FBXL5: variants seen among roughly 807,000 people sequenced by gnomAD.
FBXL5 encodes F-box/LRR-repeat protein 5.
In FBXL5, 26 loss-of-function variants were observed where a neutral mutation model predicts 78.3. That is an observed-to-expected ratio of 0.33 (90% CI 0.24 to 0.46). The LOEUF (loss-of-function observed/expected upper bound fraction) is 0.46, where lower values mean the gene tolerates loss of function less well. FBXL5 is among the 20% of genes least tolerant of loss of function. The pLI is 1.00. For missense variants in FBXL5, 710 were observed against 829.2 expected, an observed-to-expected ratio of 0.86 and a Z score of 1.77; for synonymous variants, 295 against 282.5, an observed-to-expected ratio of 1.04 and a Z score of -0.45.
intron 1 of FBXL5, among the ~76,000 whole-genome samples, chr4:15,666,304 TG>T (rs1038334241): frequency 2.7e-5 from 4 of 150,676 alleles, no homozygotes; most frequent in Non-Finnish European, 5.9e-5. Context: ...GAGGCTGAGG[TG>T]GGAAGATTGC....
chr4:15,626,242 T>C (rs1713049484), intron 8 of FBXL5, among the ~76,000 whole-genome samples: 1 of 152,172 alleles, frequency 6.6e-6, no homozygotes, highest in African/African-American at 2.4e-5. Flanking sequence ...TTAAGTTTAT[T>C]ATCCTAAAAG....
chr4:15,640,937 G>T, intron 2 of FBXL5, 54 bp from the exon 3 acceptor site: 3 of 976,760 alleles, frequency 3.1e-6, no homozygotes, highest in Non-Finnish European at 4.5e-6. Flanking sequence ...CATTAATTAT[G>T]TCTGGTCCCA....
chr4:15,658,254 T>C (rs1363222331), upstream of FBXL5, among the ~76,000 whole-genome samples: 1 of 152,238 alleles, frequency 6.6e-6, no homozygotes, highest in Non-Finnish European at 1.5e-5. Context: ...TTTGACCCAG[T>C]TGGAATCATA....
intron 9 of FBXL5, among the ~76,000 whole-genome samples, chr4:15,618,307 G>C (rs1712115561): frequency 6.6e-6 from 1 of 152,174 alleles, no homozygotes; most frequent in African/African-American, 2.4e-5. Context: ...TGAGGTGGGA[G>C]GATTGCTTAT....
At chr4:15,647,720 T>C (rs1020462990) in intron 1 of FBXL5, among the ~76,000 whole-genome samples, 1 of 152,200 alleles carries the variant, frequency 6.6e-6, no homozygotes, top group African/African-American at 2.4e-5. Context: ...CCTAGCACAG[T>C]AGTTAAAAGC....
intron 9 of FBXL5, among the ~76,000 whole-genome samples, chr4:15,616,911 G>C (rs549210999): frequency 3.3e-5 from 5 of 152,314 alleles, no homozygotes; most frequent in South Asian, 4.1e-4. Flanking sequence ...CTGTCTCACA[G>C]AGCCTGCAGT....
upstream of FBXL5, chr4:15,659,841 TG>T (rs993963183): frequency 7.1e-5 from 37 of 523,766 alleles, no homozygotes; most frequent in Non-Finnish European, 8.6e-5. Context: ...TCCATGTGTA[TG>T]GCCTGAGGGA....
intron 2 of FBXL5, among the ~76,000 whole-genome samples, chr4:15,643,430 A>C (rs186707435): frequency 9.2e-5 from 14 of 152,360 alleles, no homozygotes; most frequent in African/African-American, 2.4e-4. Context: ...ATGTAAATGT[A>C]ATTAAGAAGA....
At chr4:15,645,944 A>T (rs1252669054) in intron 1 of FBXL5, among the ~76,000 whole-genome samples, 2 of 152,242 alleles carry the variant, frequency 1.3e-5, no homozygotes, top group African/African-American at 4.8e-5. Flanking sequence ...GGATATATCA[A>T]TGAACAAAAC....
At chr4:15,612,087 T>A (rs2148523480) in intron 10 of FBXL5, 179 bp downstream of exon 10, 1 of 502,468 alleles carries the variant, frequency 2.0e-6, no homozygotes, top group Non-Finnish European at 3.4e-6. Context: ...AAAACTTACC[T>A]TTCAAGATGT....
At chr4:15,659,075 G>A (rs1271455255), upstream of FBXL5, among the ~76,000 whole-genome samples, 1 of 152,098 alleles carries the variant, frequency 6.6e-6, no homozygotes. Context: ...TCCCTCCTGT[G>A]CTTTAACTAA....
chr4:15,653,974 G>C (rs916134374), intron 1 of FBXL5, among the ~76,000 whole-genome samples: 9 of 152,218 alleles, frequency 5.9e-5, no homozygotes, highest in African/African-American at 2.2e-4. Context: ...GACAGTCCTG[G>C]TGTTTCCAAC....
At chr4:15,679,720 A>T (rs1365222730) in intron 1 of FBXL5, among the ~76,000 whole-genome samples, 1 of 150,120 alleles carries the variant, frequency 6.7e-6, no homozygotes, top group East Asian at 1.9e-4. Flanking sequence ...GATTTTACTT[A>T]TCTATCAAAA....
intron 1 of FBXL5, among the ~76,000 whole-genome samples, chr4:15,666,401 A>G (rs1258482900): frequency 6.6e-6 from 1 of 152,170 alleles, no homozygotes; most frequent in Non-Finnish European, 1.5e-5. Context: ...CCCTGCCTAA[A>G]AAAATAAAAT....
chr4:15,647,447 T>C (rs182040580), intron 1 of FBXL5, among the ~76,000 whole-genome samples: 503 of 152,226 alleles, frequency 3.3e-3, no homozygotes, highest in South Asian at 8.9e-3. Flanking sequence ...TTGGTATTCA[T>C]GGGTGTCCTG....
At chr4:15,628,905 T>C (rs1350077409) in intron 6 of FBXL5, among the ~76,000 whole-genome samples, 2 of 152,040 alleles carry the variant, frequency 1.3e-5, no homozygotes, top group African/African-American at 4.8e-5. Context: ...TATCTAAATG[T>C]ATACTATTTA....
chr4:15,662,943 C>G (rs929630444), upstream of FBXL5, among the ~76,000 whole-genome samples: 1 of 152,096 alleles, frequency 6.6e-6, no homozygotes, highest in Non-Finnish European at 1.5e-5. Context: ...ATAACTGACC[C>G]ATAAAACAAT....
intron 1 of FBXL5, among the ~76,000 whole-genome samples, chr4:15,667,913 T>C (rs1009304657): frequency 1.3e-5 from 2 of 151,616 alleles, no homozygotes; most frequent in Non-Finnish European, 2.9e-5. Context: ...TGGTGGCGGG[T>C]GCCTGTAATC....
intron 6 of FBXL5, among the ~76,000 whole-genome samples, chr4:15,630,302 T>G (rs1577449095): frequency 6.6e-6 from 1 of 152,274 alleles, no homozygotes; most frequent in African/African-American, 2.4e-5. Context: ...TCATCCTATT[T>G]CCCTCAAGCC....
Sources: allele counts gnomAD v4.1 joint callset (sites outside exome capture counted in the v4.1 genomes callset), GRCh38; gene constraint gnomAD v4.1.1; transcripts MANE v1.5; gene names NCBI Gene and HGNC (gene_info 2026-07-23, HGNC 2026-07-21).